The following CES5A variants were observed in gnomAD, a reference collection of about 807,000 sequenced individuals.
CES5A encodes the protein carboxylesterase 5.
A neutral mutation model predicts 62.9 loss-of-function variants in CES5A; 67 were observed. The observed-to-expected ratio is 1.07, with a 90% CI of 0.88 to 1.31. CES5A has a LOEUF of 1.31. Among genes scored for constraint, CES5A ranks in the 50% most tolerant of loss-of-function variants. The pLI is 0.00. For missense variants in CES5A, 748 were observed against 708.5 expected, an observed-to-expected ratio of 1.06 and a Z score of -0.63; for synonymous variants, 296 against 280.8, an observed-to-expected ratio of 1.05 and a Z score of -0.54.
intron 1 of CES5A, among the ~76,000 whole-genome samples, chr16:55,881,345 G>A (rs2033759471): frequency 6.6e-6 from 1 of 152,232 alleles, no homozygotes; most frequent in South Asian, 2.1e-4. Context: ...ATCGCGTGAT[G>A]TGGCTATTAT....
intron 1 of CES5A, among the ~76,000 whole-genome samples, chr16:55,951,417 A>C (rs2034556079): frequency 6.6e-6 from 1 of 152,204 alleles, no homozygotes; most frequent in African/African-American, 2.4e-5. Context: ...GCATCAATGC[A>C]TCAATCTATG....
At chr16:55,871,184 C>T (rs1161450049) in intron 3 of CES5A, among the ~76,000 whole-genome samples, 1 of 152,154 alleles carries the variant, frequency 6.6e-6, no homozygotes, top group East Asian at 1.9e-4. Context: ...ACATGCCTTT[C>T]CCCCACTTAC....
intron 2 of CES5A, among the ~76,000 whole-genome samples, chr16:55,937,525 T>C (rs977640244): frequency 1.3e-5 from 2 of 152,114 alleles, no homozygotes; most frequent in African/African-American, 4.8e-5. Flanking sequence ...GAAATTCAGC[T>C]ATGCCAAAAC....
intron 1 of CES5A, among the ~76,000 whole-genome samples, chr16:55,918,010 G>A (rs1321530879): frequency 1.3e-5 from 2 of 152,144 alleles, no homozygotes. Context: ...GCCAAAATAG[G>A]AACTTGCACA....
intron 3 of CES5A, among the ~76,000 whole-genome samples, chr16:55,870,214 G>A (rs1457524450): frequency 2.0e-5 from 3 of 152,074 alleles, no homozygotes; most frequent in Middle Eastern, 3.4e-3. Context: ...GCAGCCCAAG[G>A]TGTTTCAGAG....
At chr16:55,922,431 C>G (rs1881104556) in intron 1 of CES5A, among the ~76,000 whole-genome samples, 1 of 151,710 alleles carries the variant, frequency 6.6e-6, no homozygotes, top group African/African-American at 2.4e-5. Context: ...AAATCAAAGG[C>G]TGTGAAAAGG....
At chr16:55,953,575 C>T (rs946935420) in intron 1 of CES5A, among the ~76,000 whole-genome samples, 2 of 152,048 alleles carry the variant, frequency 1.3e-5, no homozygotes, top group Non-Finnish European at 1.5e-5. Flanking sequence ...AAAAATACCT[C>T]AGGCAAATTT....
intron 1 of CES5A, among the ~76,000 whole-genome samples, chr16:55,888,790 A>G (rs1240152794): frequency 6.6e-6 from 1 of 152,238 alleles, no homozygotes; most frequent in African/African-American, 2.4e-5. Context: ...GCTAAGACAC[A>G]GAAAGGTTAA....
intron 1 of CES5A, among the ~76,000 whole-genome samples, chr16:55,924,261 A>G (rs1476946142): frequency 6.6e-6 from 1 of 151,926 alleles, no homozygotes; most frequent in Non-Finnish European, 1.5e-5. Flanking sequence ...ATCAGTAGCA[A>G]TTAAATATGC....
At chr16:55,871,502 T>A in intron 3 of CES5A, 123 bp downstream of exon 3, 1 of 1,059,082 alleles carries the variant, frequency 9.4e-7, no homozygotes, top group Non-Finnish European at 1.3e-6. Flanking sequence ...ATTGTTGATG[T>A]GATTACATTT....
At chr16:55,869,798 C>T in intron 3 of CES5A, 54 bp from the exon 4 acceptor site, 1 of 1,546,840 alleles carries the variant, frequency 6.5e-7, no homozygotes, top group Non-Finnish European at 8.7e-7. Flanking sequence ...CCTCCCCTCC[C>T]CATGCAGTTT....
intron 9 of CES5A, among the ~76,000 whole-genome samples, chr16:55,854,527 G>GTTTTC (rs2033194450): frequency 8.6e-6 from 1 of 116,696 alleles, no homozygotes; most frequent in Non-Finnish European, 1.7e-5. Flanking sequence ...TGCCTGTAGT[G>GTTTTC]TTTCTTTTTT....
chr16:55,875,088 A>G, intron 1 of CES5A, 61 bp downstream of exon 1: 1 of 1,489,838 alleles, frequency 6.7e-7, no homozygotes, highest in Non-Finnish European at 9.4e-7. Flanking sequence ...CATTTCTACC[A>G]GTGGAAAATC....
intron 1 of CES5A, among the ~76,000 whole-genome samples, chr16:55,886,601 C>T (rs1168035650): frequency 6.6e-6 from 1 of 152,202 alleles, no homozygotes; most frequent in Non-Finnish European, 1.5e-5. Context: ...CGAATGCCCA[C>T]TGGCCAGCAG....
intron 1 of CES5A, among the ~76,000 whole-genome samples, chr16:55,886,145 C>T (rs1386983601): frequency 6.6e-6 from 1 of 152,218 alleles, no homozygotes; most frequent in African/African-American, 2.4e-5. Context: ...CAGCCACTCT[C>T]AGGAGTGACC....
At chr16:55,944,268 A>T (rs952731785) in intron 2 of CES5A, 40 of 607,268 alleles carry the variant, frequency 6.6e-5, no homozygotes, top group Non-Finnish European at 9.4e-5. Context: ...CATAAAATGG[A>T]GTTAATGGCC....
chr16:55,947,772 T>C (rs1011488051), intron 2 of CES5A, among the ~76,000 whole-genome samples: 5 of 151,920 alleles, frequency 3.3e-5, no homozygotes, highest in African/African-American at 1.2e-4. Flanking sequence ...GAACTTCAAG[T>C]AGGTCAGGAA....
chr16:55,912,441 G>A (rs2034103440), intron 1 of CES5A, among the ~76,000 whole-genome samples: 1 of 152,110 alleles, frequency 6.6e-6, no homozygotes. Flanking sequence ...AAAAACAAAG[G>A]CCAGGCACCA....
chr16:55,849,558 C>A (rs80247423), intron 11 of CES5A, 66 bp downstream of exon 11: 10 of 1,563,058 alleles, frequency 6.4e-6, no homozygotes, highest in Non-Finnish European at 7.9e-6. Flanking sequence ...GTCCTCCAGG[C>A]GCTTGCATCG....
Sources: gnomAD v4.1 joint callset for allele counts (sites outside exome capture counted in the v4.1 genomes callset) on GRCh38, gnomAD v4.1.1 for gene constraint, MANE v1.5 for transcripts, NCBI Gene and HGNC (gene_info 2026-07-23, HGNC 2026-07-21) for gene names.